The following TPRG1 variants were observed in gnomAD, a reference collection of about 807,000 sequenced individuals.
TPRG1 encodes the protein tumor protein p63 regulated 1, also known as tumor protein p63-regulated gene 1 protein.
Under a neutral mutation model 29.3 loss-of-function variants are expected in TPRG1, and 29 were observed. The observed-to-expected ratio is 0.99, with a 90% confidence interval of 0.74 to 1.35. The LOEUF (loss-of-function observed/expected upper bound fraction) is 1.35. Among genes scored for constraint, TPRG1 ranks in the 40% most tolerant of loss-of-function variants. The pLI is 0.00. For missense variants in TPRG1, 327 were observed against 335.0 expected, an observed-to-expected ratio of 0.98 and a Z score of 0.19; for synonymous variants, 130 against 116.8, an observed-to-expected ratio of 1.11 and a Z score of -0.73.
chr3:189,283,676 C>T (rs899408214), intron 4 of TPRG1, among the ~76,000 whole-genome samples: 1 of 152,174 alleles, frequency 6.6e-6, no homozygotes. Context: ...TTGTTGATTT[C>T]ATAAACATTT....
intron 3 of TPRG1, among the ~76,000 whole-genome samples, chr3:189,014,983 G>A (rs1712849046): frequency 6.6e-6 from 1 of 152,202 alleles, no homozygotes; most frequent in Non-Finnish European, 1.5e-5. Flanking sequence ...TGGTTAGCAA[G>A]TAGAGGTTGG....
At chr3:189,063,839 G>A (rs1560422343) in intron 4 of TPRG1, among the ~76,000 whole-genome samples, 1 of 152,100 alleles carries the variant, frequency 6.6e-6, no homozygotes, top group Non-Finnish European at 1.5e-5. Flanking sequence ...GACCACTCCT[G>A]TTTTGGTGAT....
chr3:189,294,417 C>T (rs1560663943), intron 4 of TPRG1, among the ~76,000 whole-genome samples: 1 of 152,058 alleles, frequency 6.6e-6, no homozygotes. Flanking sequence ...TGCTCGGGGC[C>T]CACTTTGCTT....
At chr3:189,154,931 C>A (rs941022190) in intron 5 of TPRG1, among the ~76,000 whole-genome samples, 2 of 152,132 alleles carry the variant, frequency 1.3e-5, no homozygotes, top group African/African-American at 4.8e-5. Flanking sequence ...ATAGGGCAGT[C>A]AAAGTAGTCC....
intron 1 of TPRG1, chr3:189,191,028 G>A (rs565898071): frequency 1.4e-4 from 134 of 981,268 alleles, no homozygotes; most frequent in Non-Finnish European, 1.6e-4. Context: ...TGTCTATTCT[G>A]GCTAATTTTG....
intron 4 of TPRG1, among the ~76,000 whole-genome samples, chr3:189,064,440 A>G (rs895840820): frequency 6.6e-6 from 1 of 152,144 alleles, no homozygotes; most frequent in Non-Finnish European, 1.5e-5. Context: ...AGAAAAAAAA[A>G]TTCAAATCAA....
At chr3:189,099,508 T>C (rs1718930037), upstream of TPRG1, among the ~76,000 whole-genome samples, 3 of 152,068 alleles carry the variant, frequency 2.0e-5, no homozygotes, top group Admixed American at 2.0e-4. Context: ...CGCTTCCTCC[T>C]GGAGGTGGAA....
At chr3:189,214,769 ACAAT>A (rs937338537) in intron 2 of TPRG1, among the ~76,000 whole-genome samples, 18 of 152,300 alleles carry the variant, frequency 1.2e-4, no homozygotes, top group African/African-American at 4.1e-4. Context: ...AGAACAGATG[ACAAT>A]CAATCTTTAA....
intron 3 of TPRG1, among the ~76,000 whole-genome samples, chr3:189,022,384 T>C (rs1713373135): frequency 6.7e-6 from 1 of 148,936 alleles, no homozygotes; most frequent in South Asian, 2.2e-4. Context: ...TGGTCTTTGA[T>C]GATGGTGATG....
At chr3:189,319,394 A>C (rs1480145220) in intron 5 of TPRG1, among the ~76,000 whole-genome samples, 2 of 151,986 alleles carry the variant, frequency 1.3e-5, no homozygotes, top group East Asian at 3.9e-4. Context: ...TACCTCTCCT[A>C]GGCTTTCTCA....
At chr3:189,005,449 G>A (rs1712238833) in intron 3 of TPRG1, among the ~76,000 whole-genome samples, 1 of 151,856 alleles carries the variant, frequency 6.6e-6, no homozygotes, top group Non-Finnish European at 1.5e-5. Context: ...AGTATTTTGA[G>A]GTATCTTCCA....
intron 3 of TPRG1, among the ~76,000 whole-genome samples, chr3:189,022,830 G>C (rs1046590610): frequency 6.6e-6 from 1 of 152,212 alleles, no homozygotes. Context: ...CCCCAGCCTC[G>C]CTGCCGCCTT....
At chr3:189,054,712 A>G (rs1242550431) in intron 4 of TPRG1, among the ~76,000 whole-genome samples, 1 of 152,022 alleles carries the variant, frequency 6.6e-6, no homozygotes, top group Non-Finnish European at 1.5e-5. Flanking sequence ...AGCCCAGGGT[A>G]GAGGTTATGG....
chr3:189,299,044 T>A (rs1379400697), intron 4 of TPRG1, among the ~76,000 whole-genome samples: 3 of 141,508 alleles, frequency 2.1e-5, no homozygotes, highest in Non-Finnish European at 4.5e-5. Context: ...AACAGGAGAT[T>A]TAGAAAAATG....
At chr3:189,091,939 A>G (rs930616289) in intron 4 of TPRG1, among the ~76,000 whole-genome samples, 1 of 152,008 alleles carries the variant, frequency 6.6e-6, no homozygotes, top group African/African-American at 2.4e-5. Flanking sequence ...AATCTTTGCA[A>G]TATTCTGTAT....
At chr3:189,166,276 T>C (rs534034505) in intron 5 of TPRG1, among the ~76,000 whole-genome samples, 1 of 152,362 alleles carries the variant, frequency 6.6e-6, no homozygotes, top group Non-Finnish European at 1.5e-5. Flanking sequence ...ACTCAAGTTT[T>C]TGAATTGAAC....
At chr3:189,126,502 G>T (rs1722513926) in intron 1 of TPRG1, among the ~76,000 whole-genome samples, 1 of 152,166 alleles carries the variant, frequency 6.6e-6, no homozygotes, top group Non-Finnish European at 1.5e-5. Context: ...TGTTGTGAGG[G>T]TTAAGTGAGA....
chr3:189,325,265 A>T lies in TPRG1; in HGVS notation c.*4445A>T, dbSNP rs1341973393. On this transcript the variant is annotated 3_prime_UTR_variant, in exon 6 of 6. Transcript: ENST00000345063. The stretch of plus-strand genomic sequence containing the variant: ...TCATTGCAGGCCTGCTGCCAATGTG[A>T]AATATAAGGAATAAAGTCATGAGAC... 6.6e-6 allele frequency: 1 copy of T among 151,142 alleles called. No homozygotes were observed. Among genetic ancestry groups the T allele is most frequent in the African/African-American group, 2.4e-5 (1 of 41,044 alleles). The allele number at this position is 151,142 out of a possible 1,614,324, so 9.4% of individuals were successfully genotyped here. A position where few individuals can be genotyped will look rare whatever the true frequency, so the allele number is the denominator to read the frequency against.
intron 2 of TPRG1, among the ~76,000 whole-genome samples, chr3:189,214,105 ATTAT>A (rs1735677277): frequency 6.6e-6 from 1 of 152,204 alleles, no homozygotes; most frequent in Admixed American, 6.6e-5. Flanking sequence ...GGCTTTGCCA[ATTAT>A]TTTCCATAAG....
Sources: allele counts gnomAD v4.1 joint callset (sites outside exome capture counted in the v4.1 genomes callset), GRCh38; gene constraint gnomAD v4.1.1; transcripts MANE v1.5; gene names NCBI Gene and HGNC (gene_info 2026-07-23, HGNC 2026-07-21).